Variants in UGT1A7 observed in about 807,000 individuals in gnomAD.
UGT1A7 encodes UDP-glucuronosyltransferase 1A7.
Under a neutral mutation model 45.6 loss-of-function variants are expected in UGT1A7, and 33 were observed. The ratio of observed to expected loss-of-function variants is 0.72; its 90% confidence interval spans 0.55 to 0.97. The LOEUF is 0.97. Ranked by LOEUF, UGT1A7 falls within the 50% of genes least tolerant of loss-of-function variation. The pLI is 0.00. For missense variants in UGT1A7, 684 were observed against 666.2 expected (o/e 1.03, Z -0.29); for synonymous variants, 274 against 250.6 (o/e 1.09, Z -0.88).
At chr2:233,731,607 C>T (rs1360371440) in intron 1 of UGT1A7, among the ~76,000 whole-genome samples, 1 of 152,190 alleles carries the variant, frequency 6.6e-6, no homozygotes, top group Non-Finnish European at 1.5e-5. Context: ...CTGCAAAGGA[C>T]ATGAACTCAT....
chr2:233,696,615 T>G (rs2075352181), intron 1 of UGT1A7, among the ~76,000 whole-genome samples: 1 of 152,234 alleles, frequency 6.6e-6, no homozygotes, highest in Non-Finnish European at 1.5e-5. Flanking sequence ...CCTTTCTTTC[T>G]TTCTTTCTCT....
At chr2:233,724,407 G>T (rs1452797462) in intron 1 of UGT1A7, among the ~76,000 whole-genome samples, 1 of 141,630 alleles carries the variant, frequency 7.1e-6, no homozygotes, top group Non-Finnish European at 1.5e-5. Flanking sequence ...CCCAGATGGG[G>T]TGGCTGCCGG....
At chr2:233,700,140 C>T (rs372188169) in intron 1 of UGT1A7, among the ~76,000 whole-genome samples, 9 of 152,174 alleles carry the variant, frequency 5.9e-5, no homozygotes, top group African/African-American at 2.2e-4. Flanking sequence ...AGCTGTTTGT[C>T]TCCCTATAGG....
chr2:233,732,570 C>A (rs1379814187), intron 1 of UGT1A7, among the ~76,000 whole-genome samples: 2 of 152,184 alleles, frequency 1.3e-5, no homozygotes, highest in Non-Finnish European at 2.9e-5. Flanking sequence ...GGAATCCTTT[C>A]CCCATTGCTT....
intron 1 of UGT1A7, among the ~76,000 whole-genome samples, chr2:233,765,525 A>G (rs1329952354): frequency 6.6e-6 from 1 of 152,210 alleles, no homozygotes; most frequent in East Asian, 1.9e-4. Flanking sequence ...CAAACACCGC[A>G]TGTTCTCACT....
intron 1 of UGT1A7, among the ~76,000 whole-genome samples, chr2:233,716,394 G>A (rs2076503036): frequency 1.3e-5 from 2 of 152,226 alleles, no homozygotes; most frequent in Admixed American, 6.5e-5. Context: ...CAGACACTAA[G>A]CTTAAAGTGA....
At chr2:233,687,166 T>C (rs971677741) in intron 1 of UGT1A7, among the ~76,000 whole-genome samples, 37 of 152,342 alleles carry the variant, frequency 2.4e-4, no homozygotes, top group Middle Eastern at 3.4e-3. Context: ...ATGACTGGCA[T>C]GTGGATATGA....
intron 1 of UGT1A7, among the ~76,000 whole-genome samples, chr2:233,762,527 A>C (rs1575790124): frequency 4.6e-5 from 7 of 152,228 alleles, no homozygotes; most frequent in Admixed American, 3.9e-4. Context: ...ATTTCATGGT[A>C]CTTGTGTACC....
At chr2:233,719,447 A>G (rs2076767544) in intron 1 of UGT1A7, 2 of 1,613,934 alleles carry the variant, frequency 1.2e-6, no homozygotes, top group South Asian at 1.1e-5. Context: ...CATTCCTGCA[A>G]AGGGTCAAGA....
Position 233,768,449 on chromosome 2 carries a change from A to T in UGT1A7, c.1295+10A>T, listed in dbSNP as rs757647919. 6.2e-7 allele frequency: 1 copy of T among 1,611,702 alleles called. No individual in the cohort carries two copies. The highest frequency in any genetic ancestry group is 8.5e-7 in the Non-Finnish European group (1 of 1,178,666). On this transcript the variant is annotated intron_variant, in intron 4 of 4. Coordinates refer to ENST00000373426, the MANE Select transcript of UGT1A7 (RefSeq NM_019077.3). ...TCATCAATGACAAAAGGTAAGAAAG[A>T]AGATACAGAAGAATACTTTGGTCAT...
chr2:233,713,346 AAT>A (rs1283931554), intron 1 of UGT1A7: 3 of 1,614,220 alleles, frequency 1.9e-6, no homozygotes, highest in Non-Finnish European at 2.5e-6. Flanking sequence ...AATTATGAAC[AAT>A]ATGTCTTTGA....
chr2:233,765,641 G>A (rs914163891), intron 1 of UGT1A7, among the ~76,000 whole-genome samples: 1 of 151,492 alleles, frequency 6.6e-6, no homozygotes, highest in African/African-American at 2.4e-5. Flanking sequence ...TTAGAGGATA[G>A]GTCAATAGGT....
intron 1 of UGT1A7, among the ~76,000 whole-genome samples, chr2:233,703,402 G>A (rs2075736582): frequency 6.6e-6 from 1 of 151,594 alleles, no homozygotes; most frequent in South Asian, 2.1e-4. Flanking sequence ...AAACAATTTT[G>A]GTTTTGTTTA....
intron 1 of UGT1A7, among the ~76,000 whole-genome samples, chr2:233,757,540 A>ATATACATATACT (rs1559403688): frequency 8.6e-6 from 1 of 116,538 alleles, no homozygotes; most frequent in Admixed American, 8.4e-5. Flanking sequence ...TAAGGAATAT[A>ATATACATATACT]TATATATATA....
chr2:233,693,159 G>A (rs771283740), intron 1 of UGT1A7: 12 of 1,614,064 alleles, frequency 7.4e-6, no homozygotes, highest in South Asian at 4.4e-5. Flanking sequence ...CTCAGTGACC[G>A]GGGTCATGAG....
Position 233,769,905 on chromosome 2 carries a change from G to A in UGT1A7, c.1295+1466G>A. On this transcript the variant is annotated intron_variant, in intron 4 of 4. Coordinates refer to ENST00000373426, the MANE Select transcript of UGT1A7 (RefSeq NM_019077.3). The surrounding 1 kb of genome is among the most constrained non-coding windows in gnomAD (Gnocchi z 4.4). ...AGTCCACATAACCTGAGCATCATGTGCCCAGAGCGTTGGGTGGTGTGGTCC... is the reference window on the plus strand; with the variant it reads ...AGTCCACATAACCTGAGCATCATGTACCCAGAGCGTTGGGTGGTGTGGTCC... 1 of 322,682 alleles carries A rather than the reference G, an allele frequency of 3.1e-6. No individual in the cohort carries two copies. Among genetic ancestry groups the A allele is most frequent in the Admixed American group, 4.6e-5 (1 of 21,882 alleles). 20.0% of individuals were successfully genotyped at this position (322,682 alleles called of 1,614,324 possible).
chr2:233,682,519 C>G lies in UGT1A7; in HGVS notation c.582C>G (p.Leu194=), dbSNP rs1333962269. 1 of 1,613,928 alleles carries G rather than the reference C, an allele frequency of 6.2e-7. No individual in the cohort carries two copies. The part of the protein sequence containing the change: ...PAPLSYVPRL[L]LGFSDAMTFK... Reference sequence around the variant, plus strand: ...CTCTTTCCTATGTCCCCAGACTTCTCTTAGGGTTCTCAGACGCCATGACTT... The same window carrying G: ...CTCTTTCCTATGTCCCCAGACTTCTGTTAGGGTTCTCAGACGCCATGACTT... The change falls in exon 1 of 5, where the codon CTC becomes CTG. Residue 194 remains leucine, a synonymous_variant. Transcript: ENST00000373426.
chr2:233,772,325 C>T lies in UGT1A7; in HGVS notation c.1359C>T (p.Asp453=), dbSNP rs773957041. ...AGGACCGCCCGGTGGAGCCGCTGGA[C>T]CTGGCCGTGTTCTGGGTGGAGTTTG... is the stretch of plus-strand genomic sequence containing the variant. ...LHKDRPVEPL[D]LAVFWVEFVM... The change falls in exon 5 of 5, where the codon GAC becomes GAT. Residue 453 remains aspartate, a synonymous_variant. Coordinates refer to ENST00000373426, the MANE Select transcript of UGT1A7 (RefSeq NM_019077.3). 3.1e-6 allele frequency: 5 copies of T among 1,614,018 alleles called. No homozygotes were observed. In the African/African-American group the frequency reaches 4.0e-5, roughly 13 times the overall value.
chr2:233,713,202 G>C, intron 1 of UGT1A7: 1 of 1,614,240 alleles, frequency 6.2e-7, no homozygotes, highest in South Asian at 1.1e-5. Flanking sequence ...GTACATCAAA[G>C]AAGAGAACTT....
Sources: gnomAD v4.1 joint callset for allele counts (sites outside exome capture counted in the v4.1 genomes callset) on GRCh38, gnomAD v4.1.1 for gene constraint, Gnocchi (gnomAD v3.1) non-coding constraint, MANE v1.5 for transcripts, NCBI Gene and HGNC (gene_info 2026-07-23, HGNC 2026-07-21) for gene names.